Variants in PDE10A observed in about 807,000 individuals in gnomAD.
PDE10A encodes cAMP and cAMP-inhibited cGMP 3',5'-cyclic phosphodiesterase 10A.
In PDE10A, 39 loss-of-function variants were observed where a neutral mutation model predicts 97.7. That is an observed-to-expected ratio of 0.40 (90% confidence interval 0.31 to 0.52). PDE10A has a LOEUF of 0.52. Ranked by LOEUF, PDE10A falls within the 20% of genes least tolerant of loss-of-function variation. The pLI, the probability that PDE10A is intolerant of heterozygous loss-of-function variation, is 0.56. For synonymous variants in PDE10A, 371 were observed against 376.8 expected, an observed-to-expected ratio of 0.98 and a Z score of 0.18; for missense variants, 731 against 1,047.8, an observed-to-expected ratio of 0.70 and a Z score of 4.17.
chr6:165,855,745 C>T (rs570554589), intron 1 of PDE10A, among the ~76,000 whole-genome samples: 2 of 152,072 alleles, frequency 1.3e-5, no homozygotes, highest in South Asian at 2.1e-4. Flanking sequence ...CCGAGGAGCC[C>T]GCAACGGGTG....
intron 1 of PDE10A, among the ~76,000 whole-genome samples, chr6:165,944,339 T>G (rs759405153): frequency 1.3e-5 from 2 of 152,144 alleles, no homozygotes; most frequent in Non-Finnish European, 2.9e-5. Context: ...ATCCCAGATA[T>G]TTTGTATTTT....
At chr6:165,835,435 G>A (rs982884413) in intron 1 of PDE10A, among the ~76,000 whole-genome samples, 2 of 152,140 alleles carry the variant, frequency 1.3e-5, no homozygotes, top group African/African-American at 4.8e-5. Context: ...GGCATCCAGG[G>A]TGCATTCTGC....
intron 1 of PDE10A, among the ~76,000 whole-genome samples, chr6:165,915,464 C>T (rs1782579811): frequency 6.6e-6 from 1 of 152,218 alleles, no homozygotes; most frequent in East Asian, 1.9e-4. Context: ...GGCTGTTACA[C>T]CTGCTGTCAC....
intron 1 of PDE10A, among the ~76,000 whole-genome samples, chr6:165,723,142 C>T (rs9459496): frequency 0.016 from 2,369 of 152,180 alleles, 55 homozygotes; most frequent in African/African-American, 0.053. Context: ...ACAAACACAC[C>T]GCTGATCATC....
chr6:165,425,769 T>TTGTGTGTG (rs766723327), intron 10 of PDE10A, among the ~76,000 whole-genome samples: 6 of 56,740 alleles, frequency 1.1e-4, no homozygotes, highest in African/African-American at 4.4e-4. Flanking sequence ...GAAGGCATGA[T>TTGTGTGTG]CGTGTGTGTG....
rs1789930214 is a variant in PDE10A, at chr6:165,655,906, T to C, written c.865+6041A>G. 2.0e-5 allele frequency among the ~76,000 whole-genome samples: 3 copies of C among 151,934 alleles called. No homozygotes were observed. ...TGTGAGCCCCCTCTGCCTAGGGTGCTTTTCCCCAGATAACTGCATGGCCGA... is the reference window on the plus strand; with the variant it reads ...TGTGAGCCCCCTCTGCCTAGGGTGCCTTTCCCCAGATAACTGCATGGCCGA... On this transcript the variant is annotated intron_variant, in intron 1 of 21. Transcript: ENST00000539869. The surrounding 1 kb of genome is among the most constrained non-coding windows in gnomAD (Gnocchi z 4.5).
At chr6:165,800,368 T>C (rs12208009) in intron 1 of PDE10A, among the ~76,000 whole-genome samples, 30,702 of 152,198 alleles carry the variant, frequency 0.2, 3,781 homozygotes, top group East Asian at 0.45. Flanking sequence ...TTTTATACTG[T>C]GTTGGAAAGG....
rs533154744 is a variant in PDE10A, at chr6:165,732,048, G to T, written c.-614-188480C>A. On this transcript the variant is annotated intron_variant, in intron 1 of 19. Coordinates refer to the PDE10A transcript ENST00000366882. ...TCACTGGATGCACCACTGGATAAGC[G>T]CCCCTTCACTCAGAATGAATTAACG... Among the ~76,000 whole-genome samples, 321 of 152,224 alleles carry T rather than the reference G, an allele frequency of 2.1e-3. 1 individual carries two copies. Among genetic ancestry groups the T allele is most frequent in the Non-Finnish European group, 3.7e-3 (254 of 68,014 alleles).
intron 18 of PDE10A, among the ~76,000 whole-genome samples, chr6:165,368,763 C>G (rs1784000375): frequency 6.6e-6 from 1 of 152,226 alleles, no homozygotes; most frequent in African/African-American, 2.4e-5. Flanking sequence ...TGAGAACGGG[C>G]AGACTGCCTC....
At chr6:165,695,914 A>G (rs1791432697) in intron 1 of PDE10A, among the ~76,000 whole-genome samples, 1 of 152,208 alleles carries the variant, frequency 6.6e-6, no homozygotes, top group Admixed American at 6.5e-5. Flanking sequence ...TTTATGCTCC[A>G]GGGCACTGTT....
chr6:165,715,366 CA>C (rs1792000622), intron 1 of PDE10A, among the ~76,000 whole-genome samples: 1 of 152,224 alleles, frequency 6.6e-6, no homozygotes, highest in African/African-American at 2.4e-5. Context: ...ACTCAAAAAT[CA>C]GCCAACAGAA....
chr6:165,874,224 C>T (rs968627280), intron 1 of PDE10A, among the ~76,000 whole-genome samples: 2 of 152,140 alleles, frequency 1.3e-5, no homozygotes, highest in Non-Finnish European at 2.9e-5. Context: ...TCTCATTTTG[C>T]CTTCATTAAA....
intron 1 of PDE10A, among the ~76,000 whole-genome samples, chr6:165,845,949 T>A (rs1780405128): frequency 6.6e-6 from 1 of 152,138 alleles, no homozygotes; most frequent in Non-Finnish European, 1.5e-5. Flanking sequence ...CACTGCCTTG[T>A]CTGTATAATG....
chr6:165,691,099 T>TCTCTCTCTC lies in PDE10A; in HGVS notation c.-614-147532_-614-147531insGAGAGAGAG, dbSNP rs34189554. Reference sequence around the variant, plus strand: ...TTTCTCTCTCTCTCTCTCTCTCTCTTTCTCTCTCCCCCCCCCCATCAGTGC... The same window carrying TCTCTCTCTC: ...TTTCTCTCTCTCTCTCTCTCTCTCTTCTCTCTCTCTCTCTCTCCCCCCCCCCATCAGTGC... On this transcript the variant is annotated intron_variant, in intron 1 of 19. Transcript: ENST00000366882. Among the ~76,000 whole-genome samples, 83 of 53,288 alleles carry TCTCTCTCTC rather than the reference T, an allele frequency of 1.6e-3. 13 individuals are homozygous for TCTCTCTCTC. Among genetic ancestry groups the TCTCTCTCTC allele is most frequent in the East Asian group, 9.1e-3 (14 of 1,536 alleles). 35.0% of individuals were successfully genotyped at this position (53,288 alleles called of 152,430 possible).
intron 1 of PDE10A, among the ~76,000 whole-genome samples, chr6:165,848,971 G>A (rs1780498181): frequency 6.6e-6 from 1 of 152,204 alleles, no homozygotes; most frequent in Admixed American, 6.5e-5. Flanking sequence ...ACTGTAAGGT[G>A]ATAACTGTGT....
At chr6:165,463,221 A>T (rs1170695541) in intron 3 of PDE10A, among the ~76,000 whole-genome samples, 1 of 152,228 alleles carries the variant, frequency 6.6e-6, no homozygotes, top group Non-Finnish European at 1.5e-5. Flanking sequence ...ATCTGGAACC[A>T]TGGTGGTATA....
At chr6:165,815,588 G>A (rs970903253) in intron 1 of PDE10A, among the ~76,000 whole-genome samples, 6 of 152,242 alleles carry the variant, frequency 3.9e-5, no homozygotes, top group Middle Eastern at 3.4e-3. Context: ...GCATGGGGTC[G>A]GCGAAGGTGG....
chr6:165,949,002 A>T lies in PDE10A; in HGVS notation c.-615+38527T>A, dbSNP rs545981253. ...CTTGCCACAGGGCACCTACTTTGGAAGAAGCAGCAAACAGGAAATGGCCCT... is the reference window on the plus strand; with the variant it reads ...CTTGCCACAGGGCACCTACTTTGGATGAAGCAGCAAACAGGAAATGGCCCT... On this transcript the variant is annotated intron_variant, in intron 1 of 19. Coordinates refer to the PDE10A transcript ENST00000366882. 1.3e-4 allele frequency: 20 copies of T among 152,390 alleles called. No individual in the cohort carries two copies. In the South Asian group the frequency reaches 4.1e-3, roughly 32 times the overall value. 9.4% of individuals were successfully genotyped at this position (152,390 alleles called of 1,614,324 possible).
intron 1 of PDE10A, among the ~76,000 whole-genome samples, chr6:165,958,500 AG>A (rs1784215964): frequency 1.5e-4 from 1 of 6,664 alleles, no homozygotes; most frequent in Non-Finnish European, 2.6e-4. Flanking sequence ...GAGAAAGACA[AG>A]AAAGAAAGAA....
Sources: allele counts gnomAD v4.1 joint callset (sites outside exome capture counted in the v4.1 genomes callset), GRCh38; gene constraint gnomAD v4.1.1; non-coding constraint Gnocchi (gnomAD v3.1); transcripts MANE v1.5; gene names NCBI Gene and HGNC (gene_info 2026-07-23, HGNC 2026-07-21).